Variants in RERE observed in about 807,000 individuals in gnomAD.
RERE encodes the protein arginine-glutamic acid dipeptide repeats, also known as arginine-glutamic acid dipeptide repeats protein.
A neutral mutation model predicts 146.1 loss-of-function variants in RERE; 40 were observed. The observed-to-expected ratio is 0.27, with a 90% confidence interval of 0.21 to 0.36. The LOEUF (loss-of-function observed/expected upper bound fraction) is 0.36, where lower values mean the gene tolerates loss of function less well. RERE is among the 10% of genes least tolerant of loss of function. The pLI is 1.00. For missense variants in RERE, 1,933 were observed against 2,138.7 expected (o/e 0.90, Z 1.90); for synonymous variants, 1,003 against 866.0 (o/e 1.16, Z -2.78).
Position 8,576,269 on chromosome 1 carries a change from G to T in RERE, c.523-18746C>A, listed in dbSNP as rs569226781. 2.0e-4 allele frequency among the ~76,000 whole-genome samples: 30 copies of T among 152,064 alleles called. No individual in the cohort carries two copies. In the East Asian group the frequency reaches 5.6e-3, roughly 28 times the overall value. On this transcript the variant is annotated intron_variant, in intron 4 of 22. Coordinates refer to ENST00000400908, the MANE Select transcript of RERE (RefSeq NM_001042681.2). ...ACCTGCACCTTTTCTATAGGCATGG[G>T]GTGGGTTAGATAAAAGACTGGAGAA...
At chr1:8,653,795 G>A (rs1464211551) in intron 2 of RERE, among the ~76,000 whole-genome samples, 2 of 151,500 alleles carry the variant, frequency 1.3e-5, no homozygotes, top group African/African-American at 4.9e-5. Flanking sequence ...AACTCTGAGA[G>A]ATTCTTCAGT....
chr1:8,734,078 G>A (rs1288749377), intron 1 of RERE, among the ~76,000 whole-genome samples: 13 of 152,158 alleles, frequency 8.5e-5, no homozygotes, highest in African/African-American at 2.4e-5. Context: ...CTGCACTCCA[G>A]TCTAGGCAAA....
At position 8,360,795 on chromosome 1, in the gene RERE, C is replaced by G. The variant is rs1641538837; in HGVS notation, c.2712G>C (p.Gln904His). ...GAGGCTGTTGGGACTGCAGCGCTGA[C>G]TGAGAGGCTGGCAGCTGCAGGGAGG... The part of the protein sequence containing the change: ...PHTSLQLPAS[Q>H]SALQSQQPPR... Residue 904 changes from glutamine to histidine, a missense_variant, in exon 18 of 23, where the codon CAG becomes CAC. Transcript: ENST00000400908. 1 of 1,583,634 alleles carries G rather than the reference C, an allele frequency of 6.3e-7. No individual in the cohort carries two copies. Among genetic ancestry groups the G allele is most frequent in the African/African-American group, 1.3e-5 (1 of 74,600 alleles).
intron 1 of RERE, among the ~76,000 whole-genome samples, chr1:8,676,200 G>C (rs77128305): frequency 0.013 from 2,031 of 152,226 alleles, 48 homozygotes; most frequent in African/African-American, 0.047. Context: ...AGAATAGAAT[G>C]TGAGTCACAG....
chr1:8,496,150 T>TAAAAAAAAAAAAAAAAAAAAAAA (rs36115213), intron 9 of RERE, among the ~76,000 whole-genome samples: 1 of 118,440 alleles, frequency 8.4e-6, no homozygotes, highest in African/African-American at 3.4e-5. Flanking sequence ...GACCCTGTCT[T>TAAAAAAAAAAAAAAAAAAAAAAA]AAAAAAAAAA....
chr1:8,806,306 C>A (rs778635764), intron 1 of RERE, among the ~76,000 whole-genome samples: 1 of 152,058 alleles, frequency 6.6e-6, no homozygotes, highest in Non-Finnish European at 1.5e-5. Context: ...CAGAGGTGGG[C>A]AGATCACCGG....
At chr1:8,437,444 T>C (rs1303048709) in intron 11 of RERE, among the ~76,000 whole-genome samples, 4 of 152,134 alleles carry the variant, frequency 2.6e-5, no homozygotes, top group Non-Finnish European at 2.9e-5. Flanking sequence ...GTTTTTTTTT[T>C]CTATTACAGG....
chr1:8,416,459 G>A (rs1005808907), intron 12 of RERE, among the ~76,000 whole-genome samples: 7 of 151,686 alleles, frequency 4.6e-5, no homozygotes, highest in African/African-American at 9.7e-5. Context: ...GGTGGCGGGC[G>A]CCTGTAGTCC....
rs1448279622 is a variant in RERE, at chr1:8,495,082, G to C, written c.1085C>G (p.Thr362Ser). ...GCVAASRDDT[T>S]LNALNTLHES... Reference sequence around the variant, plus strand: ...ACTTACTGTGTTCAGTGCATTCAGAGTGGTGTCATCCCGAGAGGCTGCGAC... The same window carrying C: ...ACTTACTGTGTTCAGTGCATTCAGACTGGTGTCATCCCGAGAGGCTGCGAC... Residue 362 changes from threonine (T) to serine (S), a missense_variant, in exon 10 of 23, where the codon ACT becomes AGT. Thr to Ser is a moderately conservative substitution (Grantham distance 58). Around this residue, in one of 11 missense-constraint regions of RERE, gnomAD observed 260 missense variants for 378.4 expected, o/e 0.69. Coordinates refer to ENST00000400908, the MANE Select transcript of RERE (RefSeq NM_001042681.2). 2 of 1,612,968 alleles carry C rather than the reference G, an allele frequency of 1.2e-6. No homozygotes were observed. The highest frequency in any genetic ancestry group is 1.3e-5 in the African/African-American group (1 of 75,044).
intron 1 of RERE, among the ~76,000 whole-genome samples, chr1:8,748,555 C>A (rs1640469806): frequency 6.6e-6 from 1 of 152,194 alleles, no homozygotes; most frequent in South Asian, 2.1e-4. Context: ...GGTTAGGAAA[C>A]CTACAGATCA....
chr1:8,792,798 A>G (rs1205186466), intron 1 of RERE, among the ~76,000 whole-genome samples: 1 of 152,164 alleles, frequency 6.6e-6, no homozygotes, highest in Admixed American at 6.5e-5. Context: ...AGTGTCTTAC[A>G]TCGGGTATGT....
chr1:8,456,748 G>T (rs1271911567), intron 11 of RERE, among the ~76,000 whole-genome samples: 2 of 152,140 alleles, frequency 1.3e-5, no homozygotes, highest in African/African-American at 4.8e-5. Flanking sequence ...TCCCACCTCA[G>T]GGCCTTTGCA....
intron 11 of RERE, among the ~76,000 whole-genome samples, chr1:8,447,081 C>T (rs184928790): frequency 2.6e-5 from 4 of 151,054 alleles, no homozygotes; most frequent in Non-Finnish European, 4.4e-5. Flanking sequence ...TTGATCAATT[C>T]GGCTATTGAT....
intron 8 of RERE, among the ~76,000 whole-genome samples, chr1:8,501,803 G>T: frequency 7.8e-6 from 1 of 128,358 alleles, no homozygotes; most frequent in African/African-American, 2.9e-5. Context: ...CGACCGGGAG[G>T]TGAGGGGCGC....
At chr1:8,803,809 G>A (rs1426742249) in intron 1 of RERE, among the ~76,000 whole-genome samples, 1 of 151,748 alleles carries the variant, frequency 6.6e-6, no homozygotes, top group African/African-American at 2.4e-5. Context: ...TGATCTGCCT[G>A]CCTCAGCCCC....
At chr1:8,405,615 C>T (rs1643416990) in intron 12 of RERE, among the ~76,000 whole-genome samples, 1 of 152,104 alleles carries the variant, frequency 6.6e-6, no homozygotes, top group Admixed American at 6.5e-5. Flanking sequence ...TAATTAGTGG[C>T]CATCTCTTAG....
At chr1:8,502,900 A>G (rs1023266039) in intron 8 of RERE, among the ~76,000 whole-genome samples, 18 of 151,052 alleles carry the variant, frequency 1.2e-4, no homozygotes, top group East Asian at 3.9e-4. Flanking sequence ...CGTGCTCGTT[A>G]AGAGTCATCA....
At chr1:8,479,861 T>C (rs1173289129) in intron 10 of RERE, among the ~76,000 whole-genome samples, 2 of 152,044 alleles carry the variant, frequency 1.3e-5, no homozygotes, top group Non-Finnish European at 2.9e-5. Flanking sequence ...GGATAAAAAA[T>C]TATTTAAGAG....
intron 4 of RERE, among the ~76,000 whole-genome samples, chr1:8,563,377 G>A (rs1646101322): frequency 6.6e-6 from 1 of 152,094 alleles, no homozygotes; most frequent in Non-Finnish European, 1.5e-5. Flanking sequence ...CACAGAGGTG[G>A]CCTGCAAGCC....
Sources: allele counts gnomAD v4.1 joint callset (sites outside exome capture counted in the v4.1 genomes callset), GRCh38; gene constraint gnomAD v4.1.1; regional missense constraint gnomAD v4.1.1; transcripts MANE v1.5; gene names NCBI Gene and HGNC (gene_info 2026-07-23, HGNC 2026-07-21).